Variants in MBD1 observed in about 807,000 individuals in gnomAD.
MBD1 encodes methyl-CpG binding domain protein 1.
MBD1 carries 25 observed loss-of-function variants against 82.6 expected under a neutral mutation model. The ratio of observed to expected loss-of-function variants is 0.30; its 90% CI spans 0.22 to 0.42. The LOEUF is 0.42. Among genes scored for constraint, MBD1 ranks in the 10% least tolerant of loss-of-function variants. The pLI, the probability that MBD1 is intolerant of heterozygous loss-of-function variation, is 1.00. For synonymous variants in MBD1, 301 were observed against 303.7 expected (o/e 0.99, Z 0.09); for missense variants, 627 against 819.6 (o/e 0.76, Z 2.87).
In MBD1 at chr18:50,274,335, G is replaced by A. The variant is rs1568218353; in HGVS notation, c.997C>T (p.Arg333Trp). 3.1e-6 allele frequency: 5 copies of A among 1,613,326 alleles called. No homozygotes were observed. The highest frequency in any genetic ancestry group is 2.2e-5 in the East Asian group (1 of 44,878). The change falls in exon 11 of 17, where the codon CGG becomes TGG. Residue 333 changes from arginine to tryptophan, a missense_variant. By Grantham distance (101) the Arg-to-Trp change is moderately radical. Transcript: ENST00000269468. ...EDELQPYTNR[R>W]QNRKCGACAA... The stretch of plus-strand genomic sequence containing the variant: ...CAGGCCCCGCACTTGCGGTTCTGCC[G>A]GCGGTTCGTGTAGGGCTGCTGGGGT...
In MBD1 at chr18:50,275,655, G is replaced by A. The variant is rs1416246128; in HGVS notation, c.737C>T (p.Pro246Leu). 1 of 1,614,094 alleles carries A rather than the reference G, an allele frequency of 6.2e-7. No homozygotes were observed. The highest frequency in any genetic ancestry group is 1.3e-5 in the African/African-American group (1 of 74,950). The change falls in exon 8 of 17, where the codon CCT (proline) becomes CTT (leucine). Residue 246 changes from proline to leucine, a missense_variant. Transcript: ENST00000269468. ...CTGGCGCCTGAGACCAGGGCGGGGA[G>A]GGCGAAGGCAGATGGGGCAATGGCC... is the stretch of plus-strand genomic sequence containing the variant. The part of the protein sequence containing the change: ...DCGHCPICLR[P>L]PRPGLRRQWK...
chr18:50,280,606 C>T (rs1342940778), intron 1 of MBD1, among the ~76,000 whole-genome samples: 2 of 151,978 alleles, frequency 1.3e-5, no homozygotes, highest in African/African-American at 4.8e-5. Context: ...CTCTGCGAGA[C>T]ACAACTGCTC....
chr18:50,273,255 G>C, intron 13 of MBD1, 79 bp downstream of exon 13: 1 of 1,576,108 alleles, frequency 6.3e-7, no homozygotes, highest in Non-Finnish European at 8.6e-7. Context: ...CTGCTCAAGA[G>C]AACCATCATG....
intron 14 of MBD1, 26 bp downstream of exon 14, chr18:50,272,798 C>G: frequency 6.2e-7 from 1 of 1,614,066 alleles, no homozygotes; most frequent in Non-Finnish European, 8.5e-7. Context: ...AGGGTCAGGG[C>G]AGGGTGGGGC....
At position 50,281,240 on chromosome 18, in the gene MBD1, C is replaced by T. The variant is rs1240278729; in HGVS notation, c.-26+123G>A. 3.3e-6 allele frequency: 5 copies of T among 1,533,814 alleles called. No individual in the cohort carries two copies. The South Asian group carries it at 3.6e-5, about 11-fold the overall frequency. On this transcript the variant is annotated intron_variant, in intron 1 of 16. Transcript: ENST00000269468. ...ATTTCTCCTCGTCAGTATTCCGACG[C>T]CGCCATTCCTCCCCCTTATCGGCCT...
At position 50,270,202 on chromosome 18, in the gene MBD1, T is replaced by G. The variant is rs1180445504; in HGVS notation, c.*33-384A>C. 4 of 1,557,692 alleles carry G rather than the reference T, an allele frequency of 2.6e-6. No homozygotes were observed. The South Asian group carries it at 4.4e-5, about 17-fold the overall frequency. On this transcript the variant is annotated intron_variant, in intron 16 of 16. Transcript: ENST00000269468. ...GAGGCTGGACTGTATGAGACAGAAC[T>G]GGGAAATGGCTAATCCATGTCTGAA...
chr18:50,278,548 A>C lies in MBD1; in HGVS notation c.110+1335T>G, dbSNP rs561466479. ...ATACAAGTACATAAATATGTGAATA[A>C]ATTATAACTAAATATAAACAAAAAG... On this transcript the variant is annotated intron_variant, in intron 2 of 16. Coordinates refer to ENST00000269468, the MANE Select transcript of MBD1 (RefSeq NM_015846.4). 2.6e-5 allele frequency among the ~76,000 whole-genome samples: 4 copies of C among 152,378 alleles called. No individual in the cohort carries two copies. In the East Asian group the frequency reaches 7.7e-4, roughly 29 times the overall value.
At chr18:50,280,339 C>A (rs1422825820) in intron 1 of MBD1, among the ~76,000 whole-genome samples, 1 of 151,792 alleles carries the variant, frequency 6.6e-6, no homozygotes, top group Non-Finnish European at 1.5e-5. Flanking sequence ...TTCATCCTTC[C>A]CCCTCATTCC....
At position 50,269,535 on chromosome 18, in the gene MBD1, G is replaced by T; in HGVS notation, c.*316C>A. ...ATCTGCTAGATCACCTCGTTGGTGT[G>T]GGCAGTAGTCAGGCCTGCAGCCAGG... On this transcript the variant is annotated 3_prime_UTR_variant, in exon 17 of 17. Coordinates refer to ENST00000269468, the MANE Select transcript of MBD1 (RefSeq NM_015846.4). 1 of 717,960 alleles carries T rather than the reference G, an allele frequency of 1.4e-6. No homozygotes were observed. Among genetic ancestry groups the T allele is most frequent in the South Asian group, 1.5e-5 (1 of 67,132 alleles). The allele number at this position is 717,960 out of a possible 1,614,324, so 44.5% of individuals were successfully genotyped here.
At chr18:50,279,621 C>T (rs2039427230) in intron 2 of MBD1, 1 of 446,322 alleles carries the variant, frequency 2.2e-6, no homozygotes, top group Admixed American at 3.5e-5. Flanking sequence ...CCTTCAGCCT[C>T]AGCTAGAAAT....
intron 4 of MBD1, 35 bp downstream of exon 4, chr18:50,276,797 C>T: frequency 6.2e-7 from 1 of 1,614,198 alleles, no homozygotes; most frequent in South Asian, 1.1e-5. Flanking sequence ...AATCACAACC[C>T]TCACCCATCT....
intron 10 of MBD1, 83 bp downstream of exon 10, chr18:50,274,894 G>T: frequency 1.4e-6 from 2 of 1,406,562 alleles, no homozygotes; most frequent in Middle Eastern, 1.8e-4. Flanking sequence ...TTCCCCAATA[G>T]GCTCATTCCA....
chr18:50,277,436 A>G (rs1409342954), intron 2 of MBD1, among the ~76,000 whole-genome samples: 4 of 152,202 alleles, frequency 2.6e-5, no homozygotes, highest in Non-Finnish European at 5.9e-5. Flanking sequence ...TATTTACAAC[A>G]TATAATACTA....
At chr18:50,278,551 T>G (rs2038966751) in intron 2 of MBD1, among the ~76,000 whole-genome samples, 1 of 152,222 alleles carries the variant, frequency 6.6e-6, no homozygotes, top group Non-Finnish European at 1.5e-5. Flanking sequence ...GTGAATAAAT[T>G]ATAACTAAAT....
chr18:50,274,233 G>A lies in MBD1; in HGVS notation c.1099C>T (p.Gln367Ter), dbSNP rs2036810843. 1 of 1,614,076 alleles carries A rather than the reference G, an allele frequency of 6.2e-7. No individual in the cohort carries two copies. The highest frequency in any genetic ancestry group is 1.3e-5 in the African/African-American group (1 of 74,942). Residue 367 changes from glutamine to a stop codon, truncating the protein, a stop_gained, in exon 11 of 17, where the codon CAG becomes TAG. Coordinates refer to ENST00000269468, the MANE Select transcript of MBD1 (RefSeq NM_015846.4). LOFTEE classifies it high-confidence loss of function. ...CDKPKFGGSNQKRQKCRWRQC... is the reference protein window; with the variant it reads ...CDKPKFGGSN ...CGCCAACGACACTTCTGGCGCTTCT[G>A]GTTGCTGCCCCCGAATTTGGGCTTG...
intron 13 of MBD1, 175 bp from the exon 14 acceptor site, chr18:50,273,130 T>C: frequency 2.5e-6 from 3 of 1,206,504 alleles, no homozygotes; most frequent in Non-Finnish European, 3.6e-6. Context: ...TGACCTCCGT[T>C]TTTCTGTTAG....
At position 50,269,748 on chromosome 18, in the gene MBD1, TG is replaced by T. The variant is rs1395862768; in HGVS notation, c.*102del. 1.3e-6 allele frequency: 1 copy of T among 781,774 alleles called. No homozygotes were observed. The highest frequency in any genetic ancestry group is 1.3e-5 in the South Asian group (1 of 74,656). The allele number at this position is 781,774 out of a possible 1,614,324, so 48.4% of individuals were successfully genotyped here. On this transcript the variant is annotated 3_prime_UTR_variant, in exon 17 of 17. Transcript: ENST00000269468. ...CCTCGTGGGTTCCAGCTCGTGCTCG[TG>T]GGCTCCACTGTGTCCTCGGTCTCCC...
chr18:50,270,129 G>A (rs1599203733), intron 16 of MBD1: 1 of 1,598,376 alleles, frequency 6.3e-7, no homozygotes, highest in East Asian at 2.2e-5. Context: ...TCTTGACTAG[G>A]GCTGAACTAG....
chr18:50,281,193 C>G, intron 1 of MBD1, 170 bp downstream of exon 1: 4 of 1,534,434 alleles, frequency 2.6e-6, no homozygotes, highest in Non-Finnish European at 3.5e-6. Context: ...CATTCCTTCC[C>G]GTCCTCAGCC....
Sources: gnomAD v4.1 joint callset for allele counts (sites outside exome capture counted in the v4.1 genomes callset) on GRCh38, gnomAD v4.1.1 for gene constraint, MANE v1.5 for transcripts, NCBI Gene and HGNC (gene_info 2026-07-23, HGNC 2026-07-21) for gene names.